SUZ12: variants seen among roughly 807,000 people sequenced by gnomAD.
SUZ12 encodes polycomb protein SUZ12.
In SUZ12, 17 loss-of-function variants were observed where a neutral mutation model predicts 87.3. That is an observed-to-expected ratio of 0.19 (90% CI 0.13 to 0.29). The LOEUF is 0.29. Among genes scored for constraint, SUZ12 ranks in the 10% least tolerant of loss-of-function variants. The pLI, the probability that SUZ12 is intolerant of heterozygous loss-of-function variation, is 1.00. For synonymous variants in SUZ12, 253 were observed against 312.4 expected (o/e 0.81, Z 2.01); for missense variants, 526 against 912.2 (o/e 0.58, Z 5.45).
At chr17:31,959,056 A>G (rs989872304) in intron 4 of SUZ12, among the ~76,000 whole-genome samples, 8 of 152,138 alleles carry the variant, frequency 5.3e-5, no homozygotes, top group African/African-American at 1.9e-4. Flanking sequence ...ACTACCTCTT[A>G]GGTTGGTTAT....
intron 4 of SUZ12, among the ~76,000 whole-genome samples, chr17:31,958,954 G>A (rs1907534334): frequency 6.6e-6 from 1 of 152,212 alleles, no homozygotes; most frequent in Non-Finnish European, 1.5e-5. Flanking sequence ...GGAGGTGGAG[G>A]TTGCAGTGAG....
intron 6 of SUZ12, among the ~76,000 whole-genome samples, chr17:31,973,440 A>G (rs1162485939): frequency 6.6e-6 from 1 of 151,980 alleles, no homozygotes; most frequent in Non-Finnish European, 1.5e-5. Context: ...TGTCTGTACA[A>G]AACTTTCTCA....
chr17:31,949,643 A>C (rs1906827791), intron 4 of SUZ12, among the ~76,000 whole-genome samples: 2 of 71,072 alleles, frequency 2.8e-5, no homozygotes, highest in Admixed American at 2.2e-4. Context: ...GATTACAGGC[A>C]CCTGCCACCA....
chr17:31,966,084 A>G, intron 4 of SUZ12, 63 bp from the exon 5 acceptor site: 1 of 1,380,556 alleles, frequency 7.2e-7, no homozygotes, highest in Non-Finnish European at 9.8e-7. Context: ...TATATTTTAA[A>G]GTCTAGGTTA....
At chr17:31,940,866 T>C (rs75817657) in intron 3 of SUZ12, among the ~76,000 whole-genome samples, 1 of 151,858 alleles carries the variant, frequency 6.6e-6, no homozygotes, top group South Asian at 2.1e-4. Flanking sequence ...AAAAATTAGC[T>C]GGGCGTGGTG....
intron 1 of SUZ12, among the ~76,000 whole-genome samples, chr17:31,939,128 A>G (rs1417304852): frequency 6.6e-6 from 1 of 152,218 alleles, no homozygotes; most frequent in East Asian, 1.9e-4. Context: ...AAGCGTTAGA[A>G]AGACTGTTTT....
chr17:31,973,127 A>G lies in SUZ12; in HGVS notation c.506-19A>G, dbSNP rs1425882577. ...ATATATTTTTTAAATATATTTTAAAATACTGATTTTCTATTTAGATAAGCC... is the reference window on the plus strand; with the variant it reads ...ATATATTTTTTAAATATATTTTAAAGTACTGATTTTCTATTTAGATAAGCC... On this transcript the variant is annotated intron_variant, in intron 5 of 15. Coordinates refer to ENST00000322652, the MANE Select transcript of SUZ12 (RefSeq NM_015355.4). 3.3e-6 allele frequency: 5 copies of G among 1,521,402 alleles called. No individual in the cohort carries two copies. The highest frequency in any genetic ancestry group is 1.8e-4 in the Middle Eastern group (1 of 5,514). The allele number at this position is 1,521,402 out of a possible 1,614,324, so 94.2% of individuals were successfully genotyped here. A position where few individuals can be genotyped will look rare whatever the true frequency, so the allele number is the denominator to read the frequency against.
At chr17:31,939,042 A>G (rs1467460053) in intron 1 of SUZ12, among the ~76,000 whole-genome samples, 1 of 152,212 alleles carries the variant, frequency 6.6e-6, no homozygotes, top group East Asian at 1.9e-4. Flanking sequence ...ATAATAGTAT[A>G]TGTATTTTTC....
chr17:31,973,263 A>C (rs1248080657), intron 6 of SUZ12, 32 bp downstream of exon 6: 1 of 1,326,644 alleles, frequency 7.5e-7, no homozygotes, highest in Non-Finnish European at 1.0e-6. Flanking sequence ...TGGTAGATTA[A>C]ATGGAATAAT....
intron 3 of SUZ12, among the ~76,000 whole-genome samples, chr17:31,944,556 A>G (rs575092759): frequency 6.6e-6 from 1 of 151,924 alleles, no homozygotes; most frequent in Non-Finnish European, 1.5e-5. Context: ...GTAAGAACTG[A>G]TTTTCTTAAT....
At chr17:31,959,918 T>C (rs1015279899) in intron 4 of SUZ12, among the ~76,000 whole-genome samples, 5 of 152,230 alleles carry the variant, frequency 3.3e-5, no homozygotes, top group Non-Finnish European at 7.3e-5. Context: ...TTATCATGTG[T>C]CTTACTTCCT....
In SUZ12 at chr17:31,998,900, A is replaced by G; in HGVS notation, c.2117A>G (p.Asn706Ser). The change falls in exon 16 of 16, where the codon AAT becomes AGT. Residue 706 changes from asparagine to serine, a missense_variant. Physicochemically the swap from Asn to Ser is conservative, Grantham distance 46. This residue lies in a region of SUZ12 where 56 missense variants were observed against 56.6 expected (regional missense o/e 0.99). Coordinates refer to ENST00000322652, the MANE Select transcript of SUZ12 (RefSeq NM_015355.4). ...AACGAAGAAATAACTGAAGAACAAA[A>G]TGGGACAGCAAATGGATTTAGTGAA... The part of the protein sequence containing the change: ...PANEEITEEQ[N>S]GTANGFSEIN... 6.2e-7 allele frequency: 1 copy of G among 1,613,706 alleles called. No homozygotes were observed. Among genetic ancestry groups the G allele is most frequent in the Non-Finnish European group, 8.5e-7 (1 of 1,179,916 alleles).
intron 15 of SUZ12, among the ~76,000 whole-genome samples, chr17:31,997,712 C>CA (rs1446325381): frequency 2.1e-4 from 31 of 150,530 alleles, no homozygotes; most frequent in Middle Eastern, 3.5e-3. Flanking sequence ...GACCCACGAC[C>CA]AGGGAGCAGC....
chr17:31,967,370 C>G (rs559618455), intron 5 of SUZ12: 1 of 151,876 alleles, frequency 6.6e-6, no homozygotes, highest in Non-Finnish European at 1.5e-5. Flanking sequence ...CCTGGTGGGC[C>G]GGGCACGGTG....
intron 1 of SUZ12, among the ~76,000 whole-genome samples, chr17:31,939,909 C>T (rs1906170547): frequency 6.6e-6 from 1 of 152,194 alleles, no homozygotes; most frequent in Non-Finnish European, 1.5e-5. Flanking sequence ...CTTTTGTTGA[C>T]TCCAGCTGCC....
At chr17:31,951,587 A>G (rs1906983415) in intron 4 of SUZ12, among the ~76,000 whole-genome samples, 1 of 149,358 alleles carries the variant, frequency 6.7e-6, no homozygotes, top group Admixed American at 6.8e-5. Context: ...GGTTCACGCC[A>G]TTCTGCCTCA....
chr17:31,969,776 G>T (rs1218771910), intron 5 of SUZ12, among the ~76,000 whole-genome samples: 2 of 152,138 alleles, frequency 1.3e-5, no homozygotes, highest in Admixed American at 6.6e-5. Context: ...ATGCTTGCCT[G>T]TATTTCCATC....
At chr17:31,990,345 C>T (rs181964686) in intron 10 of SUZ12, among the ~76,000 whole-genome samples, 153 of 151,186 alleles carry the variant, frequency 1.0e-3, no homozygotes, top group Non-Finnish European at 1.9e-3. Context: ...CTCCTGACGT[C>T]GTGCTCTGCT....
Position 31,998,842 on chromosome 17 carries a change from A to C in SUZ12, c.2059A>C (p.Lys687Gln). Residue 687 changes from lysine (K) to glutamine (Q), a missense_variant, in exon 16 of 16, where the codon AAA (lysine) becomes CAA (glutamine). This residue lies in a region of SUZ12 where 56 missense variants were observed against 56.6 expected (regional missense o/e 0.99). Transcript: ENST00000322652. Reference sequence around the variant, plus strand: ...TACCAAGCTCCGTGAAATGCAGCAAAAATTAGAAAAGGGGGAATCTGCTTC... The same window carrying C: ...TACCAAGCTCCGTGAAATGCAGCAACAATTAGAAAAGGGGGAATCTGCTTC... ...AVTKLREMQQ[K>Q]LEKGESASPA... The C allele has an allele frequency of 6.2e-7, 1 of 1,613,510 alleles. No homozygotes were observed. The highest frequency in any genetic ancestry group is 8.5e-7 in the Non-Finnish European group (1 of 1,179,830).
Sources: gnomAD v4.1 joint callset for allele counts (sites outside exome capture counted in the v4.1 genomes callset) on GRCh38, gnomAD v4.1.1 for gene constraint, gnomAD v4.1.1 regional missense constraint, MANE v1.5 for transcripts, NCBI Gene and HGNC (gene_info 2026-07-23, HGNC 2026-07-21) for gene names.